Variants in NPAS2 observed in about 807,000 individuals in gnomAD.
The protein encoded by NPAS2 is neuronal PAS domain protein 2, also known as neuronal PAS domain-containing protein 2.
Under a neutral mutation model 107.5 loss-of-function variants are expected in NPAS2, and 23 were observed. The observed-to-expected ratio is 0.21, with a 90% CI of 0.15 to 0.30. The LOEUF (loss-of-function observed/expected upper bound fraction) is 0.30. Ranked by LOEUF, NPAS2 falls within the 10% of genes least tolerant of loss-of-function variation. The pLI, the probability that NPAS2 is intolerant of heterozygous loss-of-function variation, is 1.00. For synonymous variants in NPAS2, 403 were observed against 417.5 expected (o/e 0.97, Z 0.42); for missense variants, 756 against 1,043.3 (o/e 0.72, Z 3.79).
intron 16 of NPAS2, chr2:100,987,799 T>G: frequency 4.3e-6 from 2 of 466,950 alleles, no homozygotes; most frequent in Non-Finnish European, 7.7e-6. Context: ...TTAGAGAACA[T>G]CTGGGTCTAA....
intron 1 of NPAS2, among the ~76,000 whole-genome samples, chr2:100,836,591 G>A (rs1677080191): frequency 1.3e-5 from 2 of 152,228 alleles, no homozygotes; most frequent in African/African-American, 4.8e-5. Flanking sequence ...AGGGTCAGGA[G>A]TTAACGATTC....
Position 100,865,342 on chromosome 2 carries a change from T to C in NPAS2, c.-22-39391T>C, listed in dbSNP as rs541386890. Among the ~76,000 whole-genome samples the C allele has an allele frequency of 3.9e-5, 6 of 152,270 alleles. No individual in the cohort carries two copies. In the South Asian group the frequency reaches 1.2e-3, roughly 32 times the overall value. On this transcript the variant is annotated intron_variant, in intron 1 of 20. Coordinates refer to ENST00000335681, the MANE Select transcript of NPAS2 (RefSeq NM_002518.4). ...GAGCCAGCATGCTCCTTTGGATGCA[T>C]GTTCAACCTTCCCTCTGTACTGGGA...
At chr2:100,991,008 T>G (rs903044335) in intron 19 of NPAS2, 136 bp downstream of exon 19, 56 of 712,700 alleles carry the variant, frequency 7.9e-5, no homozygotes, top group Non-Finnish European at 1.3e-4. Flanking sequence ...CCCACAGCTG[T>G]GAAGGGGACG....
chr2:100,925,000 T>C (rs764303374), intron 2 of NPAS2, 146 bp from the exon 3 acceptor site: 2 of 736,528 alleles, frequency 2.7e-6, no homozygotes, highest in Non-Finnish European at 4.2e-6. Context: ...GCCTTGGAAA[T>C]GTGGCCAGCG....
chr2:100,907,765 CCAAA>C (rs1682260832), intron 2 of NPAS2, among the ~76,000 whole-genome samples: 1 of 152,134 alleles, frequency 6.6e-6, no homozygotes, highest in African/African-American at 2.4e-5. Context: ...ATCAAGTATT[CCAAA>C]CAAGGGCACG....
rs75452289 is a variant in NPAS2 at position 100,879,969 on chromosome 2, G to A, written c.-22-24764G>A. Among the ~76,000 whole-genome samples the A allele has an allele frequency of 6.4e-3, 972 of 152,318 alleles. 12 individuals carry two copies. The highest frequency in any genetic ancestry group is 0.021 in the African/African-American group (889 of 41,564). ...GAAAACCACATTTCAGGGTGTCTTT[G>A]ACAGTCAAGAAGTGGGGAGCAACTG... On this transcript the variant is annotated intron_variant, in intron 1 of 20. Transcript: ENST00000335681.
At chr2:100,895,085 GTGTC>G (rs1447046856) in intron 1 of NPAS2, among the ~76,000 whole-genome samples, 1 of 148,212 alleles carries the variant, frequency 6.7e-6, no homozygotes, top group African/African-American at 2.6e-5. Context: ...CAGCGTATGT[GTGTC>G]TGTCTGTCCA....
intron 17 of NPAS2, chr2:100,989,218 A>G (rs1677968107): frequency 6.4e-6 from 1 of 155,230 alleles, no homozygotes; most frequent in African/African-American, 2.4e-5. Flanking sequence ...TGGCTTTGGT[A>G]AAGTCAGCTG....
chr2:100,974,851 G>A lies in NPAS2; in HGVS notation c.1189G>A (p.Val397Met), dbSNP rs768549054. 2.9e-5 allele frequency: 47 copies of A among 1,613,986 alleles called. No individual in the cohort carries two copies. Among genetic ancestry groups the A allele is most frequent in the South Asian group, 5.5e-5 (5 of 91,090 alleles). Residue 397 changes from valine (V) to methionine (M), a missense_variant, in exon 13 of 21, where the codon GTG becomes ATG. Transcript: ENST00000335681. Reference sequence around the variant, plus strand: ...TCGGCAGCACTTTAACACACTCGACGTGGGTGCCTCGGGCCTTAATACCAG... The same window carrying A: ...TCGGCAGCACTTTAACACACTCGACATGGGTGCCTCGGGCCTTAATACCAG... ...EPRQHFNTLD[V>M]GASGLNTSHS...
At chr2:100,860,027 G>A (rs150783415) in intron 1 of NPAS2, among the ~76,000 whole-genome samples, 13 of 152,314 alleles carry the variant, frequency 8.5e-5, no homozygotes, top group South Asian at 2.1e-4. Flanking sequence ...CACTGATACA[G>A]TATTTCTTTC....
In NPAS2 at chr2:100,820,753, C is replaced by A. The variant is rs1676024182; in HGVS notation, c.-23+339C>A. On this transcript the variant is annotated intron_variant, in intron 1 of 20. Transcript: ENST00000335681. This position sits in a 1 kb window ranked among gnomAD's most constrained non-coding sequence, Gnocchi z 5.6. Reference sequence around the variant, plus strand: ...GGTGTCCGACAGGGTGGAGAAGGATCGTGCCCCAGGGCAACAGCTTTGGGG... The same window carrying A: ...GGTGTCCGACAGGGTGGAGAAGGATAGTGCCCCAGGGCAACAGCTTTGGGG... Among the ~76,000 whole-genome samples the A allele has an allele frequency of 6.6e-6, 1 of 152,184 alleles. No individual in the cohort carries two copies. The highest frequency in any genetic ancestry group is 6.5e-5 in the Admixed American group (1 of 15,292).
intron 1 of NPAS2, among the ~76,000 whole-genome samples, chr2:100,854,831 A>G (rs566793307): frequency 6.6e-6 from 1 of 152,336 alleles, no homozygotes; most frequent in African/African-American, 2.4e-5. Context: ...TGGTACGTGC[A>G]TTCACCTGTC....
chr2:100,927,168 T>G (rs1033367891), intron 3 of NPAS2, among the ~76,000 whole-genome samples: 3 of 152,066 alleles, frequency 2.0e-5, no homozygotes, highest in Admixed American at 6.6e-5. Context: ...TCTCCTGACC[T>G]CGTGATTCAC....
At chr2:100,907,344 C>A (rs1272010543) in intron 2 of NPAS2, among the ~76,000 whole-genome samples, 2 of 152,048 alleles carry the variant, frequency 1.3e-5, no homozygotes, top group Non-Finnish European at 2.9e-5. Flanking sequence ...CCAAAAACTT[C>A]TCTACTTGGA....
intron 1 of NPAS2, among the ~76,000 whole-genome samples, chr2:100,860,312 G>A (rs1326965545): frequency 6.6e-6 from 1 of 152,196 alleles, no homozygotes; most frequent in East Asian, 1.9e-4. Flanking sequence ...AGGAATATCA[G>A]AGTGATGCAG....
chr2:100,857,332 C>T (rs1678642590), intron 1 of NPAS2, among the ~76,000 whole-genome samples: 3 of 151,826 alleles, frequency 2.0e-5, no homozygotes, highest in African/African-American at 7.3e-5. Context: ...TTATCATTCC[C>T]TGAGATCGCC....
intron 1 of NPAS2, among the ~76,000 whole-genome samples, chr2:100,855,966 C>T (rs377093861): frequency 1.6e-3 from 243 of 152,302 alleles, no homozygotes; most frequent in South Asian, 6.0e-3. Flanking sequence ...CCCAAGGACT[C>T]CTCTGAGAAA....
At position 100,988,144 on chromosome 2, in the gene NPAS2, G is replaced by A. The variant is rs1419541992; in HGVS notation, c.1695G>A (p.Gln565=). 9.9e-6 allele frequency: 16 copies of A among 1,614,100 alleles called. No individual in the cohort carries two copies. The highest frequency in any genetic ancestry group is 2.2e-5 in the East Asian group (1 of 44,892). The change falls in exon 17 of 21, where the codon CAG becomes CAA. Residue 565 remains glutamine, a synonymous_variant. Coordinates refer to ENST00000335681, the MANE Select transcript of NPAS2 (RefSeq NM_002518.4). ...FSSTQRPEAQ[Q]QLQQRSAAVT... is the part of the protein sequence containing the mutation. The stretch of plus-strand genomic sequence containing the variant: ...GCACCCAGCGACCTGAGGCTCAGCA[G>A]CAGCTACAGCAAAGGTCAGCTGCAG...
chr2:100,934,940 C>T lies in NPAS2; in HGVS notation c.273+1939C>T, dbSNP rs965302240. ...TCCCTTTCTAAAATGAGGACAGAGC[C>T]CAGGAGATAACCCATCATGTCCCTA... On this transcript the variant is annotated intron_variant, in intron 4 of 20. Transcript: ENST00000335681. 7.1e-6 allele frequency: 7 copies of T among 985,254 alleles called. No homozygotes were observed. In the African/African-American group the frequency reaches 1.2e-4, roughly 17 times the overall value. The allele number at this position is 985,254 out of a possible 1,614,324, so 61.0% of individuals were successfully genotyped here.
Sources: allele counts gnomAD v4.1 joint callset (sites outside exome capture counted in the v4.1 genomes callset), GRCh38; gene constraint gnomAD v4.1.1; non-coding constraint Gnocchi (gnomAD v3.1); transcripts MANE v1.5; gene names NCBI Gene and HGNC (gene_info 2026-07-23, HGNC 2026-07-21).